The following DNAJC3 variants were observed in gnomAD, a reference collection of about 807,000 sequenced individuals.
DNAJC3 encodes dnaJ homolog subfamily C member 3.
Under a neutral mutation model 68.6 loss-of-function variants are expected in DNAJC3, and 38 were observed. The ratio of observed to expected loss-of-function variants is 0.55; its 90% CI spans 0.43 to 0.73. The LOEUF (loss-of-function observed/expected upper bound fraction) is 0.73. Ranked by LOEUF, DNAJC3 falls within the 30% of genes least tolerant of loss-of-function variation. The pLI, the probability that DNAJC3 is intolerant of heterozygous loss-of-function variation, is 0.00. For missense variants in DNAJC3, 526 were observed against 591.9 expected (o/e 0.89, Z 1.16); for synonymous variants, 203 against 204.0 (o/e 1.00, Z 0.04).
At chr13:95,709,387 G>A (rs1880875176) in intron 2 of DNAJC3, 50 bp downstream of exon 2, 8 of 1,244,954 alleles carry the variant, frequency 6.4e-6, no homozygotes, top group Admixed American at 2.5e-5. Flanking sequence ...GTGAATTCTA[G>A]TAATAGCTCT....
intron 4 of DNAJC3, chr13:95,745,517 C>T (rs1298253532): frequency 6.6e-6 from 1 of 152,254 alleles, no homozygotes; most frequent in African/African-American, 2.4e-5. Context: ...GCCACTGCAG[C>T]TCAAACTGCA....
chr13:95,702,904 C>T (rs1234043933), intron 1 of DNAJC3, among the ~76,000 whole-genome samples: 1 of 152,190 alleles, frequency 6.6e-6, no homozygotes, highest in Non-Finnish European at 1.5e-5. Flanking sequence ...AATTACTACT[C>T]TTACTCCATC....
At chr13:95,752,565 T>C (rs187266699) in intron 4 of DNAJC3, among the ~76,000 whole-genome samples, 2 of 152,128 alleles carry the variant, frequency 1.3e-5, no homozygotes, top group Non-Finnish European at 2.9e-5. Context: ...TAATTACGAG[T>C]ATTCTTCTTT....
Position 95,763,856 on chromosome 13 carries a change from T to G in DNAJC3, c.978T>G (p.Ile326Met). The G allele has an allele frequency of 6.2e-7, 1 of 1,614,094 alleles. No homozygotes were observed. The highest frequency in any genetic ancestry group is 8.5e-7 in the Non-Finnish European group (1 of 1,179,968). ...AGGACGAGAAGCCTGTTGAAGCTAT[T>G]AGGGTTTGTTCTGAAGTTTTACAGA... ...FSKDEKPVEAIRVCSEVLQME... is the reference protein window; with the variant it reads ...FSKDEKPVEAMRVCSEVLQME... The change falls in exon 9 of 12, where the codon ATT becomes ATG. Residue 326 changes from isoleucine to methionine, a missense_variant. Transcript: ENST00000602402.
chr13:95,725,318 A>G, intron 4 of DNAJC3, 66 bp downstream of exon 4: 1 of 1,203,786 alleles, frequency 8.3e-7, no homozygotes, highest in Non-Finnish European at 1.2e-6. Flanking sequence ...GACCTTTTTT[A>G]TATTATGACA....
rs1429782787 is a variant in DNAJC3, at chr13:95,690,597, G to A, written c.82+13260G>A. On this transcript the variant is annotated intron_variant, in intron 1 of 11. Coordinates refer to ENST00000602402, the MANE Select transcript of DNAJC3 (RefSeq NM_006260.5). ...GCGCCCCTCACCTCCCGGACGGGGC[G>A]ACTGGCCAGGCGGGGGGCTGACCCC... 1.0e-4 allele frequency among the ~76,000 whole-genome samples: 15 copies of A among 149,916 alleles called. No individual in the cohort carries two copies. The East Asian group carries it at 1.0e-3, about 10-fold the overall frequency.
At chr13:95,733,096 A>G (rs1336774815) in intron 4 of DNAJC3, among the ~76,000 whole-genome samples, 1 of 152,166 alleles carries the variant, frequency 6.6e-6, no homozygotes, top group Non-Finnish European at 1.5e-5. Context: ...GATGAGCAGT[A>G]TGTATATTCT....
chr13:95,740,203 G>C (rs1371344188), intron 4 of DNAJC3, among the ~76,000 whole-genome samples: 4 of 152,218 alleles, frequency 2.6e-5, no homozygotes, highest in Non-Finnish European at 5.9e-5. Flanking sequence ...GAGAACCACT[G>C]CTCTCTTCAA....
chr13:95,777,442 A>G (rs751229912), intron 9 of DNAJC3, among the ~76,000 whole-genome samples: 6 of 152,012 alleles, frequency 3.9e-5, no homozygotes, highest in East Asian at 1.9e-4. Context: ...GGTCTCTTCT[A>G]TTTGTTTCTT....
At chr13:95,786,749 A>T (rs1251292926) in intron 10 of DNAJC3, among the ~76,000 whole-genome samples, 2 of 152,114 alleles carry the variant, frequency 1.3e-5, no homozygotes, top group Non-Finnish European at 2.9e-5. Flanking sequence ...TACCTTTTTT[A>T]AAAAAGGGAA....
At chr13:95,680,680 T>C (rs1256770198) in intron 1 of DNAJC3, among the ~76,000 whole-genome samples, 1 of 152,204 alleles carries the variant, frequency 6.6e-6, no homozygotes, top group African/African-American at 2.4e-5. Flanking sequence ...GTTTTCATTC[T>C]GTGAGGTAGG....
chr13:95,689,352 A>T (rs1880166827), intron 1 of DNAJC3, among the ~76,000 whole-genome samples: 1 of 149,400 alleles, frequency 6.7e-6, no homozygotes, highest in Non-Finnish European at 1.5e-5. Context: ...CTGGGAATTT[A>T]TCCATTTCCT....
chr13:95,678,728 AT>A (rs574044390), intron 1 of DNAJC3, among the ~76,000 whole-genome samples: 2,716 of 147,882 alleles, frequency 0.018, 84 homozygotes, highest in African/African-American at 0.063. Flanking sequence ...TTTAATGGTG[AT>A]TTTTTTTTTT....
chr13:95,789,270 A>C (rs1883693622), intron 11 of DNAJC3, among the ~76,000 whole-genome samples: 1 of 151,952 alleles, frequency 6.6e-6, no homozygotes, highest in African/African-American at 2.4e-5. Flanking sequence ...TTAAGTCTAG[A>C]ACCCATTAGT....
At chr13:95,768,238 A>G (rs776874298) in intron 9 of DNAJC3, among the ~76,000 whole-genome samples, 2 of 152,258 alleles carry the variant, frequency 1.3e-5, no homozygotes, top group Non-Finnish European at 2.9e-5. Context: ...AGGAATAAGA[A>G]TAGTACTTAT....
At chr13:95,732,454 T>C (rs757089116) in intron 4 of DNAJC3, among the ~76,000 whole-genome samples, 1 of 152,224 alleles carries the variant, frequency 6.6e-6, no homozygotes, top group Non-Finnish European at 1.5e-5. Context: ...TTCCAGTTTG[T>C]TATTAGATAG....
Position 95,709,213 on chromosome 13 carries a change from A to G in DNAJC3, c.83-14A>G, listed in dbSNP as rs961318931. On this transcript the variant is annotated splice_polypyrimidine_tract_variant and intron_variant, in intron 1 of 11. Coordinates refer to ENST00000602402, the MANE Select transcript of DNAJC3 (RefSeq NM_006260.5). Reference sequence around the variant, plus strand: ...CGTGGAAAGTTAACTGATTGTTTTTAATTTTATTTTTAGGTGCTGAATGTG... The same window carrying G: ...CGTGGAAAGTTAACTGATTGTTTTTGATTTTATTTTTAGGTGCTGAATGTG... 3.3e-6 allele frequency: 5 copies of G among 1,499,836 alleles called. No homozygotes were observed. The highest frequency in any genetic ancestry group is 4.5e-6 in the Non-Finnish European group (5 of 1,120,324). 92.9% of individuals were successfully genotyped at this position (1,499,836 alleles called of 1,614,324 possible). A position where few individuals can be genotyped will look rare whatever the true frequency, so the allele number is the denominator to read the frequency against.
chr13:95,689,622 C>G (rs554646066), intron 1 of DNAJC3, among the ~76,000 whole-genome samples: 1 of 149,274 alleles, frequency 6.7e-6, no homozygotes, highest in African/African-American at 2.5e-5. Flanking sequence ...CTTTTTATTT[C>G]TTTTCTCCCA....
chr13:95,755,529 C>T (rs1382373697), intron 4 of DNAJC3, among the ~76,000 whole-genome samples: 8 of 151,722 alleles, frequency 5.3e-5, no homozygotes, highest in Non-Finnish European at 8.8e-5. Flanking sequence ...GAGGCTGAGG[C>T]GGGCGGATCA....
Sources: allele counts gnomAD v4.1 joint callset (sites outside exome capture counted in the v4.1 genomes callset), GRCh38; gene constraint gnomAD v4.1.1; transcripts MANE v1.5; gene names NCBI Gene and HGNC (gene_info 2026-07-23, HGNC 2026-07-21).